ITFG1: variants seen among roughly 807,000 people sequenced by gnomAD.
ITFG1 encodes the protein T-cell immunomodulatory protein.
In ITFG1, 34 loss-of-function variants were observed where a neutral mutation model predicts 81.8. That is an observed-to-expected ratio of 0.42 (90% confidence interval 0.32 to 0.55). ITFG1 has a LOEUF of 0.55. Ranked by LOEUF, ITFG1 falls within the 20% of genes least tolerant of loss-of-function variation. The pLI is 0.17. For synonymous variants in ITFG1, 285 were observed against 270.6 expected (o/e 1.05, Z -0.52); for missense variants, 672 against 755.4 (o/e 0.89, Z 1.29).
chr16:47,247,860 A>C (rs1240172434), intron 12 of ITFG1, among the ~76,000 whole-genome samples: 1 of 152,136 alleles, frequency 6.6e-6, no homozygotes, highest in Admixed American at 6.5e-5. Context: ...AAGTTTGCTC[A>C]CATGTGACAA....
At chr16:47,287,968 A>T (rs537125543) in intron 10 of ITFG1, among the ~76,000 whole-genome samples, 2 of 152,328 alleles carry the variant, frequency 1.3e-5, no homozygotes, top group South Asian at 4.1e-4. Flanking sequence ...ACATATAAGA[A>T]CTTCAACTGC....
chr16:47,347,087 A>T (rs1596915542), intron 8 of ITFG1, among the ~76,000 whole-genome samples: 3 of 152,224 alleles, frequency 2.0e-5, no homozygotes, highest in African/African-American at 7.2e-5. Context: ...GCCGAATAGG[A>T]ACAGCTGCAG....
chr16:47,225,626 G>A (rs1003937973), intron 13 of ITFG1, among the ~76,000 whole-genome samples: 7 of 152,196 alleles, frequency 4.6e-5, no homozygotes, highest in African/African-American at 1.7e-4. Context: ...CAGGAGGCTA[G>A]AAGGCAATAG....
chr16:47,213,233 T>G (rs1259053039), intron 14 of ITFG1, among the ~76,000 whole-genome samples: 3 of 152,220 alleles, frequency 2.0e-5, no homozygotes, highest in Non-Finnish European at 4.4e-5. Context: ...TGTTGTTGAT[T>G]TCTATTTTAA....
At chr16:47,164,733 T>G (rs1964865288) in intron 14 of ITFG1, among the ~76,000 whole-genome samples, 1 of 152,266 alleles carries the variant, frequency 6.6e-6, no homozygotes, top group Admixed American at 6.5e-5. Flanking sequence ...GCCAAGATGC[T>G]GAGAATGAAG....
At chr16:47,367,812 CATCTT>C (rs1204794922) in intron 7 of ITFG1, among the ~76,000 whole-genome samples, 1 of 152,168 alleles carries the variant, frequency 6.6e-6, no homozygotes, top group Non-Finnish European at 1.5e-5. Context: ...TTTCTATAGA[CATCTT>C]ATTTAGTAAG....
chr16:47,222,337 A>G (rs13338735), intron 13 of ITFG1, among the ~76,000 whole-genome samples: 17,835 of 149,176 alleles, frequency 0.12, 2,275 homozygotes, highest in African/African-American at 0.33. Flanking sequence ...CCTTCATTTC[A>G]TTATGTACCC....
intron 6 of ITFG1, among the ~76,000 whole-genome samples, chr16:47,377,952 G>A (rs1354885854): frequency 6.6e-6 from 1 of 152,116 alleles, no homozygotes; most frequent in South Asian, 2.1e-4. Context: ...GCTCTATTAT[G>A]TCTTTAAATG....
chr16:47,196,671 T>A (rs1965362188), intron 14 of ITFG1: 1 of 152,094 alleles, frequency 6.6e-6, no homozygotes, highest in African/African-American at 2.4e-5. Context: ...AAAATAGGGA[T>A]CCTGGCCAGG....
intron 8 of ITFG1, among the ~76,000 whole-genome samples, chr16:47,323,522 T>C (rs550271600): frequency 6.6e-6 from 1 of 152,314 alleles, no homozygotes; most frequent in East Asian, 1.9e-4. Context: ...TCAGATTACA[T>C]AACTGTAAGA....
intron 10 of ITFG1, among the ~76,000 whole-genome samples, chr16:47,285,443 C>T (rs145586287): frequency 1.3e-5 from 2 of 152,198 alleles, no homozygotes; most frequent in Non-Finnish European, 2.9e-5. Context: ...CTGTAAGCCA[C>T]TCCAGCAAAT....
At chr16:47,228,562 A>G (rs1965782793) in intron 13 of ITFG1, among the ~76,000 whole-genome samples, 1 of 151,972 alleles carries the variant, frequency 6.6e-6, no homozygotes, top group South Asian at 2.1e-4. Context: ...GGATCTCACT[A>G]TGTTGCCCAG....
chr16:47,212,159 A>G (rs1023646381), intron 14 of ITFG1, among the ~76,000 whole-genome samples: 2 of 152,166 alleles, frequency 1.3e-5, no homozygotes, highest in Non-Finnish European at 2.9e-5. Flanking sequence ...TAAACCTACA[A>G]ACCAGAAAAT....
chr16:47,168,920 C>A (rs1413238266), intron 14 of ITFG1, among the ~76,000 whole-genome samples: 1 of 151,778 alleles, frequency 6.6e-6, no homozygotes, highest in Non-Finnish European at 1.5e-5. Context: ...ATATGGAGTC[C>A]CACTTCATTT....
At chr16:47,190,779 A>G (rs1207578487) in intron 14 of ITFG1, among the ~76,000 whole-genome samples, 1 of 152,228 alleles carries the variant, frequency 6.6e-6, no homozygotes, top group Non-Finnish European at 1.5e-5. Context: ...GCTTAGAACT[A>G]GAATCATTTT....
At chr16:47,292,813 T>C (rs1393807509) in intron 10 of ITFG1, among the ~76,000 whole-genome samples, 1 of 151,952 alleles carries the variant, frequency 6.6e-6, no homozygotes, top group Non-Finnish European at 1.5e-5. Context: ...GACTTCATTC[T>C]TTTTTATGGT....
chr16:47,253,090 T>A (rs1202388213), intron 12 of ITFG1, among the ~76,000 whole-genome samples: 2 of 152,140 alleles, frequency 1.3e-5, no homozygotes, highest in African/African-American at 4.8e-5. Flanking sequence ...CTTGGAGATG[T>A]GTGGAGAATC....
chr16:47,234,430 T>C (rs1965850545), intron 13 of ITFG1, among the ~76,000 whole-genome samples: 1 of 152,076 alleles, frequency 6.6e-6, no homozygotes, highest in Non-Finnish European at 1.5e-5. Context: ...GCCAAAGGTG[T>C]AAATACACGT....
In ITFG1 at chr16:47,205,745, C is replaced by T. The variant is rs372451106; in HGVS notation, c.1453+13123G>A. On this transcript the variant is annotated intron_variant, in intron 14 of 17. Transcript: ENST00000320640. ...ACACACAGAGATTGAACATCCACTCCGATCGTATCATCAACCAGTGTGCAA... is the reference window on the plus strand; with the variant it reads ...ACACACAGAGATTGAACATCCACTCTGATCGTATCATCAACCAGTGTGCAA... Among the ~76,000 whole-genome samples, 7 of 152,048 alleles carry T rather than the reference C, an allele frequency of 4.6e-5. No homozygotes were observed. The East Asian group carries it at 9.6e-4, about 21-fold the overall frequency.
Sources: allele counts gnomAD v4.1 joint callset (sites outside exome capture counted in the v4.1 genomes callset), GRCh38; gene constraint gnomAD v4.1.1; transcripts MANE v1.5; gene names NCBI Gene and HGNC (gene_info 2026-07-23, HGNC 2026-07-21).